The following CEL variants were observed in gnomAD, a reference collection of about 807,000 sequenced individuals.
The protein encoded by CEL is carboxyl ester lipase, also known as bile salt-activated lipase.
In CEL, 39 loss-of-function variants were observed where a neutral mutation model predicts 57.1. The observed-to-expected ratio is 0.68, with a 90% confidence interval of 0.53 to 0.89. The LOEUF is 0.89. CEL is among the 40% of genes least tolerant of loss of function. CEL has a pLI of 0.00. For missense variants in CEL, 698 were observed against 915.0 expected (o/e 0.76, Z 3.06); for synonymous variants, 314 against 396.6 (o/e 0.79, Z 2.48).
chr9:133,070,686 AG>A, intron 10 of CEL, 28 bp downstream of exon 10: 1 of 1,613,848 alleles, frequency 6.2e-7, no homozygotes, highest in Non-Finnish European at 8.5e-7. Flanking sequence ...TGCAGGGCGG[AG>A]GGCCACAGCC....
In CEL at chr9:133,070,541, C is replaced by G. The variant is rs397834568; in HGVS notation, c.1367C>G (p.Ala456Gly). Residue 456 changes from alanine to glycine, a missense_variant, in exon 10 of 11, where the codon GCA becomes GGA. Coordinates refer to ENST00000372080, the MANE Select transcript of CEL (RefSeq NM_001807.6). The part of the protein sequence containing the change: ...VYPKWVGADH[A>G]DDIQYVFGKP... The stretch of plus-strand genomic sequence containing the variant: ...CCCAAATGGGTGGGGGCCGACCATG[C>G]AGATGACATTCAGTACGTTTTCGGG... The G allele has an allele frequency of 5.0e-6, 8 of 1,613,928 alleles. No homozygotes were observed. The Middle Eastern group carries it at 4.9e-4, about 100-fold the overall frequency.
At chr9:133,067,898 C>T (rs1409882463) in intron 7 of CEL, among the ~76,000 whole-genome samples, 1 of 152,210 alleles carries the variant, frequency 6.6e-6, no homozygotes, top group Admixed American at 6.5e-5. Flanking sequence ...GGCCCAGCCT[C>T]CAGCTCCACT....
chr9:133,064,386 C>T lies in CEL; in HGVS notation c.67-18C>T, dbSNP rs762640869. The T allele has an allele frequency of 1.2e-6, 2 of 1,613,196 alleles. No individual in the cohort carries two copies. The highest frequency in any genetic ancestry group is 1.7e-6 in the Non-Finnish European group (2 of 1,179,990). On this transcript the variant is annotated intron_variant, in intron 1 of 10. Transcript: ENST00000372080. Reference sequence around the variant, plus strand: ...TGGGGCTTGAGCCCCCCTGACCCTGCCCGTGTCTCCCTCGCAGCTGGGCGC... The same window carrying T: ...TGGGGCTTGAGCCCCCCTGACCCTGTCCGTGTCTCCCTCGCAGCTGGGCGC...
intron 1 of CEL, among the ~76,000 whole-genome samples, chr9:133,062,713 T>C (rs2119055585): frequency 6.7e-6 from 1 of 149,244 alleles, no homozygotes; most frequent in South Asian, 2.1e-4. Context: ...TCCACCTCTC[T>C]GTTGTTCCCA....
intron 7 of CEL, among the ~76,000 whole-genome samples, chr9:133,068,032 A>G (rs967232965): frequency 6.6e-6 from 1 of 152,190 alleles, no homozygotes; most frequent in African/African-American, 2.4e-5. Flanking sequence ...CATGAAGCCA[A>G]GTCATCTGCA....
Position 133,070,628 on chromosome 9 carries a change from T to A in CEL, c.1454T>A (p.Ile485Asn). The change falls in exon 10 of 11, where the codon ATC becomes AAC. Residue 485 changes from isoleucine (I) to asparagine (N), a missense_variant. Physicochemically the swap from Ile to Asn is moderately radical, Grantham distance 149 (BLOSUM62 -3). This residue lies in a region of CEL where 111 missense variants were observed against 147.3 expected (regional missense o/e 0.75). Coordinates refer to ENST00000372080, the MANE Select transcript of CEL (RefSeq NM_001807.6). ...PQDRTVSKAM[I>N]AYWTNFAKTG... ...GACAGGACAGTCTCTAAGGCCATGA[T>A]CGCCTACTGGACCAACTTTGCCAAA... The A allele has an allele frequency of 6.6e-7, 1 of 1,504,124 alleles. No homozygotes were observed. The highest frequency in any genetic ancestry group is 9.0e-7 in the Non-Finnish European group (1 of 1,116,040). 93.2% of individuals were successfully genotyped at this position (1,504,124 alleles called of 1,614,324 possible). A position where few individuals can be genotyped will look rare whatever the true frequency, so the allele number is the denominator to read the frequency against.
rs750301296 is a variant in CEL, at chr9:133,065,126, T to C, written c.427T>C (p.Tyr143His). ...CCATGGGGCCAACTTCCTCAACAAC[T>C]ACCTGTATGACGGCGAGGAGATCGC... ...SGHGANFLNN[Y>H]LYDGEEIATR... is the part of the protein sequence containing the mutation. Residue 143 changes from tyrosine (Y) to histidine (H), a missense_variant, in exon 4 of 11, where the codon TAC becomes CAC. Physicochemically the swap from Tyr to His is moderately conservative, Grantham distance 83 (BLOSUM62 2). Coordinates refer to ENST00000372080, the MANE Select transcript of CEL (RefSeq NM_001807.6). 54 of 1,613,788 alleles carry C rather than the reference T, an allele frequency of 3.3e-5. No homozygotes were observed. Among genetic ancestry groups the C allele is most frequent in the African/African-American group, 5.3e-5 (4 of 74,910 alleles).
At position 133,065,124 on chromosome 9, in the gene CEL, A is replaced by T. The variant is rs201720193; in HGVS notation, c.425A>T (p.Asn142Ile). ...GGCCATGGGGCCAACTTCCTCAACAACTACCTGTATGACGGCGAGGAGATC... is the reference window on the plus strand; with the variant it reads ...GGCCATGGGGCCAACTTCCTCAACATCTACCTGTATGACGGCGAGGAGATC... Reference protein sequence around the residue: ...GSGHGANFLNNYLYDGEEIAT... With the variant: ...GSGHGANFLNIYLYDGEEIAT... Residue 142 changes from asparagine to isoleucine, a missense_variant, in exon 4 of 11, where the codon AAC (asparagine) becomes ATC (isoleucine). Transcript: ENST00000372080. 6.2e-6 allele frequency: 10 copies of T among 1,613,832 alleles called. No individual in the cohort carries two copies. In the South Asian group the frequency reaches 8.8e-5, roughly 14 times the overall value.
Position 133,067,097 on chromosome 9 carries a change from A to G in CEL, c.787A>G (p.Lys263Glu). 1.2e-6 allele frequency: 2 copies of G among 1,614,036 alleles called. No individual in the cohort carries two copies. The highest frequency in any genetic ancestry group is 1.7e-6 in the Non-Finnish European group (2 of 1,179,978). Residue 263 changes from lysine (K) to glutamate (E), a missense_variant, in exon 7 of 11, where the codon AAG becomes GAG. Coordinates refer to ENST00000372080, the MANE Select transcript of CEL (RefSeq NM_001807.6). ...PLFWAKKVAE[K>E]VGCPVGDAAR... is the part of the protein sequence containing the mutation. ...TTGGTTCTGCCCCCAGGTGGCTGAG[A>G]AGGTGGGTTGCCCTGTGGGTGATGC...
chr9:133,068,135 G>T (rs1356028358), intron 7 of CEL, among the ~76,000 whole-genome samples: 1 of 152,198 alleles, frequency 6.6e-6, no homozygotes, highest in African/African-American at 2.4e-5. Flanking sequence ...TGCTGTGCTG[G>T]GCCCAGTGAC....
At chr9:133,065,728 C>T (rs1194088024) in intron 4 of CEL, among the ~76,000 whole-genome samples, 1 of 151,990 alleles carries the variant, frequency 6.6e-6, no homozygotes, top group Non-Finnish European at 1.5e-5. Flanking sequence ...TGCCTGTAAT[C>T]CCAGCTACTC....
Position 133,071,629 on chromosome 9 carries a change from C to G in CEL, c.2127C>G (p.Ser709=), listed in dbSNP as rs1471483651. The change falls in exon 11 of 11, where the codon TCC becomes TCG. Residue 709 remains serine (S), a synonymous_variant. Transcript: ENST00000372080. Reference sequence around the variant, plus strand: ...CCCCCGTGACCCCCACGGGTGACTCCGAGACCGCCCCCGTGCCGCCCACGG... The same window carrying G: ...CCCCCGTGACCCCCACGGGTGACTCGGAGACCGCCCCCGTGCCGCCCACGG... ...GAPPVTPTGD[S]ETAPVPPTGD... is the part of the protein sequence containing the mutation. The G allele has an allele frequency of 2.0e-6, 3 of 1,493,634 alleles. No individual in the cohort carries two copies. The highest frequency in any genetic ancestry group is 9.1e-7 in the Non-Finnish European group (1 of 1,098,104). The allele number at this position is 1,493,634 out of a possible 1,614,324, so 92.5% of individuals were successfully genotyped here. A position where few individuals can be genotyped will look rare whatever the true frequency, so the allele number is the denominator to read the frequency against.
rs1830217080 is a variant in CEL, at chr9:133,068,579, G to A, written c.896-93G>A. 5 of 1,572,390 alleles carry A rather than the reference G, an allele frequency of 3.2e-6. No homozygotes were observed. The South Asian group carries it at 3.5e-5, about 11-fold the overall frequency. On this transcript the variant is annotated intron_variant, in intron 7 of 10. Coordinates refer to ENST00000372080, the MANE Select transcript of CEL (RefSeq NM_001807.6). ...AGTGTCCATAGATCAGAGAAGGGAG[G>A]ACATAGCCAATTCCAGCCCTGAGAG...
chr9:133,071,174 A>G lies in CEL; in HGVS notation c.1672A>G (p.Thr558Ala), dbSNP rs1554733067. The G allele has an allele frequency of 3.7e-6, 6 of 1,606,100 alleles. No individual in the cohort carries two copies. Among genetic ancestry groups the G allele is most frequent in the Non-Finnish European group, 5.1e-6 (6 of 1,179,090 alleles). The part of the protein sequence containing the change: ...ALPTVTDQEA[T>A]PVPPTGDSEA... ...GCCCACAGTGACCGACCAGGAGGCC[A>G]CCCCTGTGCCCCCCACAGGGGACTC... Residue 558 changes from threonine to alanine, a missense_variant, in exon 11 of 11, where the codon ACC (threonine) becomes GCC (alanine). This residue lies in a region of CEL where 238 missense variants were observed against 213.7 expected (regional missense o/e 1.11). Coordinates refer to ENST00000372080, the MANE Select transcript of CEL (RefSeq NM_001807.6).
Position 133,066,410 on chromosome 9 carries a change from G to T in CEL, c.539-120G>T. On this transcript the variant is annotated intron_variant, in intron 4 of 10. Coordinates refer to ENST00000372080, the MANE Select transcript of CEL (RefSeq NM_001807.6). This position sits in a 1 kb window ranked among gnomAD's most constrained non-coding sequence, Gnocchi z 4.3. ...AGGGACCCACCATTTGCCAACTGGG[G>T]CTCTGCCATGGCCCCAACTCTGTTG... is the stretch of plus-strand genomic sequence containing the variant. The T allele has an allele frequency of 7.6e-7, 1 of 1,317,056 alleles. No homozygotes were observed. The highest frequency in any genetic ancestry group is 2.4e-5 in the East Asian group (1 of 42,164). The allele number at this position is 1,317,056 out of a possible 1,614,324, so 81.6% of individuals were successfully genotyped here.
Position 133,064,681 on chromosome 9 carries a change from G to T in CEL, c.259G>T (p.Ala87Ser). Residue 87 changes from alanine to serine, a missense_variant, in exon 3 of 11, where the codon GCC becomes TCC. Ala to Ser is a moderately conservative substitution (Grantham distance 99, BLOSUM62 1). Around this residue, in one of 6 missense-constraint regions of CEL, gnomAD observed 327 missense variants for 374.1 expected, o/e 0.87. Transcript: ENST00000372080. ...AKNFKKRCLQ[A>S]TITQDSTYGD... is the part of the protein sequence containing the mutation. ...GAACTTCAAGAAGAGATGCCTGCAG[G>T]CCACCATCACCCAGGACAGCACCTA... 1 of 1,614,080 alleles carries T rather than the reference G, an allele frequency of 6.2e-7. No individual in the cohort carries two copies. The highest frequency in any genetic ancestry group is 8.5e-7 in the Non-Finnish European group (1 of 1,180,012).
Position 133,071,691 on chromosome 9 carries a change from A to ACTC in CEL, c.2190_2192dup (p.Ser731dup). 2 of 1,608,266 alleles carry ACTC rather than the reference A, an allele frequency of 1.2e-6. No individual in the cohort carries two copies. Among genetic ancestry groups the ACTC allele is most frequent in the Non-Finnish European group, 1.7e-6 (2 of 1,177,088 alleles). ...GCCCCCCCTGTGCCCCCCACGGGTG[A>ACTC]CTCTGAGGCTGCCCCTGTGCCCCCC... On this transcript the variant is annotated inframe_insertion, in exon 11 of 11. Coordinates refer to ENST00000372080, the MANE Select transcript of CEL (RefSeq NM_001807.6).
intron 10 of CEL, 98 bp from the exon 11 acceptor site, chr9:133,070,889 G>C (rs1191231242): frequency 1.4e-6 from 2 of 1,443,368 alleles, no homozygotes; most frequent in Admixed American, 1.9e-5. Flanking sequence ...CCCAGGGCCA[G>C]CTCAGAGGGC....
rs545160835 is a variant in CEL, at chr9:133,062,716, T to C, written c.66+648T>C. 2.7e-4 allele frequency among the ~76,000 whole-genome samples: 40 copies of C among 149,402 alleles called. No homozygotes were observed. The East Asian group carries it at 6.8e-3, about 25-fold the overall frequency. On this transcript the variant is annotated intron_variant, in intron 1 of 10. Coordinates refer to ENST00000372080, the MANE Select transcript of CEL (RefSeq NM_001807.6). ...AATCCTGGTGATTCCACCTCTCTGT[T>C]GTTCCCATTTTACAGAAGGGGAAAC...
Sources: gnomAD v4.1 joint callset for allele counts (sites outside exome capture counted in the v4.1 genomes callset) on GRCh38, gnomAD v4.1.1 for gene constraint, gnomAD v4.1.1 regional missense constraint, Gnocchi (gnomAD v3.1) non-coding constraint, MANE v1.5 for transcripts, NCBI Gene and HGNC (gene_info 2026-07-23, HGNC 2026-07-21) for gene names.